Variants in OSCP1 observed in about 807,000 individuals in gnomAD.
OSCP1 encodes protein OSCP1.
Under a neutral mutation model 45.1 loss-of-function variants are expected in OSCP1, and 35 were observed. The ratio of observed to expected loss-of-function variants is 0.78; its 90% CI spans 0.59 to 1.03. The LOEUF (loss-of-function observed/expected upper bound fraction) is 1.03, where lower values mean the gene tolerates loss of function less well. Among genes scored for constraint, OSCP1 ranks in the 50% least tolerant of loss-of-function variants. OSCP1 has a pLI of 0.00. For missense variants in OSCP1, 400 were observed against 470.7 expected, an observed-to-expected ratio of 0.85 and a Z score of 1.39; for synonymous variants, 179 against 180.1, an observed-to-expected ratio of 0.99 and a Z score of 0.05.
At position 36,429,535 on chromosome 1, in the gene OSCP1, A is replaced by ATTTTTTTTTTTTTTTTTT. The variant is rs200043573; in HGVS notation, c.516+2249_516+2266dup. Reference sequence around the variant, plus strand: ...CACATTCAAAATTCAGAAGCTTAGAATTTTTTTTTTTTTTTTTTTTTTTTT... The same window carrying ATTTTTTTTTTTTTTTTTT: ...CACATTCAAAATTCAGAAGCTTAGAATTTTTTTTTTTTTTTTTTTTTTTTTTTTTTTTTTTTTTTTTTT... On this transcript the variant is annotated intron_variant, in intron 4 of 9. Transcript: ENST00000235532. Among the ~76,000 whole-genome samples, 100 of 100,302 alleles carry ATTTTTTTTTTTTTTTTTT rather than the reference A, an allele frequency of 1.0e-3. 9 individuals carry two copies. Among genetic ancestry groups the ATTTTTTTTTTTTTTTTTT allele is most frequent in the African/African-American group, 3.0e-3 (71 of 23,892 alleles). The allele number at this position is 100,302 out of a possible 152,430, so 65.8% of individuals were successfully genotyped here. A position where few individuals can be genotyped will look rare whatever the true frequency, so the allele number is the denominator to read the frequency against.
At chr1:36,438,646 G>GT in intron 2 of OSCP1, 110 bp downstream of exon 2, 1 of 1,327,068 alleles carries the variant, frequency 7.5e-7, no homozygotes. Flanking sequence ...ACACATGCCT[G>GT]TTTCTTGCAA....
At chr1:36,449,611 C>A (rs758040301) in intron 1 of OSCP1, among the ~76,000 whole-genome samples, 4 of 151,710 alleles carry the variant, frequency 2.6e-5, no homozygotes, top group Admixed American at 6.6e-5. Flanking sequence ...CCGAGGGGGG[C>A]AGATCGTTTG....
chr1:36,445,498 G>C (rs997901324), intron 1 of OSCP1, among the ~76,000 whole-genome samples: 1 of 152,196 alleles, frequency 6.6e-6, no homozygotes, highest in African/African-American at 2.4e-5. Context: ...GCTCCCAAGA[G>C]AGCAGTCTGA....
chr1:36,439,259 G>A (rs1315414413), intron 1 of OSCP1, among the ~76,000 whole-genome samples: 1 of 152,008 alleles, frequency 6.6e-6, no homozygotes, highest in East Asian at 1.9e-4. Flanking sequence ...GGTGGCTCAC[G>A]CCTATAATCC....
chr1:36,448,670 C>T lies in OSCP1; in HGVS notation c.112+1588G>A, dbSNP rs929131957. On this transcript the variant is annotated intron_variant, in intron 1 of 9. Coordinates refer to ENST00000235532, the MANE Select transcript of OSCP1 (RefSeq NM_145047.5). The stretch of plus-strand genomic sequence containing the variant: ...TTCCTGAAGGAGATGATTCTTAAGC[C>T]GAATAATGCAGGATTGAAGGGGAAG... 7.2e-5 allele frequency among the ~76,000 whole-genome samples: 11 copies of T among 152,012 alleles called. 1 individual carries two copies. Among genetic ancestry groups the T allele is most frequent in the Admixed American group, 4.6e-4 (7 of 15,264 alleles).
intron 2 of OSCP1, among the ~76,000 whole-genome samples, chr1:36,438,231 C>A (rs923505322): frequency 6.7e-6 from 1 of 149,704 alleles, no homozygotes; most frequent in Non-Finnish European, 1.5e-5. Context: ...GCAGGAGAAT[C>A]GCTTGAACCC....
rs563836103 is a variant in OSCP1 at position 36,430,955 on chromosome 1, G to C, written c.516+847C>G. 3.9e-5 allele frequency among the ~76,000 whole-genome samples: 6 copies of C among 152,272 alleles called. No individual in the cohort carries two copies. In the South Asian group the frequency reaches 1.2e-3, roughly 32 times the overall value. ...CAGGCGTGAGCCACTGCGCTCCGCC[G>C]ACTCTATGGGTCTTAGAAGCAATTG... On this transcript the variant is annotated intron_variant, in intron 4 of 9. Transcript: ENST00000235532.
chr1:36,442,001 G>C (rs961885208), intron 1 of OSCP1, among the ~76,000 whole-genome samples: 10 of 152,188 alleles, frequency 6.6e-5, no homozygotes, highest in African/African-American at 2.4e-4. Context: ...GCCGAGGTGG[G>C]TGGATCACCT....
rs1220453429 is a variant in OSCP1, at chr1:36,422,914, A to G, written c.621-18T>C. On this transcript the variant is annotated intron_variant, in intron 5 of 9. Transcript: ENST00000235532. ...TGAACATTCTACAATACAAAGTATG[A>G]CATGATGGAATGTTCTCCAAGCTTA... The G allele has an allele frequency of 1.3e-6, 2 of 1,566,942 alleles. No individual in the cohort carries two copies. The highest frequency in any genetic ancestry group is 2.4e-5 in the South Asian group (2 of 82,106).
intron 4 of OSCP1, among the ~76,000 whole-genome samples, chr1:36,428,715 C>T (rs994120729): frequency 2.0e-5 from 3 of 152,046 alleles, no homozygotes; most frequent in Non-Finnish European, 2.9e-5. Context: ...GAGGCTGAGG[C>T]GGGCGGATCG....
rs1570561632 is a variant in OSCP1, at chr1:36,450,108, G to A, written c.112+150C>T. On this transcript the variant is annotated intron_variant, in intron 1 of 9. Coordinates refer to ENST00000235532, the MANE Select transcript of OSCP1 (RefSeq NM_145047.5). Reference sequence around the variant, plus strand: ...TTTTGGGGGGATTTGACTCCCGAGGGGCTCCAAATGGATGTGGCTTGTAAG... The same window carrying A: ...TTTTGGGGGGATTTGACTCCCGAGGAGCTCCAAATGGATGTGGCTTGTAAG... 12 of 630,522 alleles carry A rather than the reference G, an allele frequency of 1.9e-5. No individual in the cohort carries two copies. In the East Asian group the frequency reaches 2.8e-4, roughly 15 times the overall value. 39.1% of individuals were successfully genotyped at this position (630,522 alleles called of 1,614,324 possible).
intron 2 of OSCP1, among the ~76,000 whole-genome samples, chr1:36,436,549 T>A (rs983111044): frequency 6.6e-6 from 1 of 152,168 alleles, no homozygotes; most frequent in African/African-American, 2.4e-5. Flanking sequence ...TCTTTTAAAA[T>A]TTTTTTGTAG....
chr1:36,436,485 C>T lies in OSCP1; in HGVS notation c.267+2271G>A, dbSNP rs1245579328. 5.9e-5 allele frequency among the ~76,000 whole-genome samples: 9 copies of T among 152,138 alleles called. No individual in the cohort carries two copies. In the East Asian group the frequency reaches 1.2e-3, roughly 20 times the overall value. ...TGAACTCCTGGGCTCAAGCGATCCT[C>T]CTGCCTTGGCCTCCCTAAGTGCTGG... On this transcript the variant is annotated intron_variant, in intron 2 of 9. Coordinates refer to ENST00000235532, the MANE Select transcript of OSCP1 (RefSeq NM_145047.5).
At chr1:36,425,285 G>A (rs1286619952) in intron 4 of OSCP1, among the ~76,000 whole-genome samples, 2 of 152,112 alleles carry the variant, frequency 1.3e-5, no homozygotes, top group Non-Finnish European at 2.9e-5. Context: ...GTTAGACTCT[G>A]AAGGCTTAAA....
At position 36,418,003 on chromosome 1, in the gene OSCP1, C is replaced by T. The variant is rs1195922731; in HGVS notation, c.*136G>A. The T allele has an allele frequency of 1.5e-6, 1 of 650,922 alleles. No homozygotes were observed. The highest frequency in any genetic ancestry group is 2.8e-5 in the East Asian group (1 of 35,970). The allele number at this position is 650,922 out of a possible 1,614,324, so 40.3% of individuals were successfully genotyped here. ...CAAGGGAGACTCACACAGTTCCTTA[C>T]AACATAAATAAGAAATAGACGTAAT... On this transcript the variant is annotated 3_prime_UTR_variant, in exon 10 of 10. Coordinates refer to ENST00000235532, the MANE Select transcript of OSCP1 (RefSeq NM_145047.5).
intron 1 of OSCP1, among the ~76,000 whole-genome samples, chr1:36,443,693 A>AC (rs1649335722): frequency 6.6e-6 from 1 of 152,192 alleles, no homozygotes; most frequent in Admixed American, 6.5e-5. Context: ...AGGATGACAT[A>AC]CCCCAAAGTA....
At position 36,444,125 on chromosome 1, in the gene OSCP1, A is replaced by C. The variant is rs544090572; in HGVS notation, c.113-5215T>G. 39 of 1,432,822 alleles carry C rather than the reference A, an allele frequency of 2.7e-5. 1 individual carries two copies. In the African/African-American group the frequency reaches 4.9e-4, roughly 18 times the overall value. 88.8% of individuals were successfully genotyped at this position (1,432,822 alleles called of 1,614,324 possible). ...TAAACATACCAATTCCAATGATCTT[A>C]TCTATGAAACTTTACTTTTCACGTT... On this transcript the variant is annotated intron_variant, in intron 1 of 9. Coordinates refer to ENST00000235532, the MANE Select transcript of OSCP1 (RefSeq NM_145047.5).
At chr1:36,427,653 G>T (rs1478413294) in intron 4 of OSCP1, among the ~76,000 whole-genome samples, 1 of 152,078 alleles carries the variant, frequency 6.6e-6, no homozygotes, top group Non-Finnish European at 1.5e-5. Context: ...TATCTTGTCG[G>T]AACTGGGAAA....
At chr1:36,441,830 A>C (rs1649198833) in intron 1 of OSCP1, among the ~76,000 whole-genome samples, 1 of 151,656 alleles carries the variant, frequency 6.6e-6, no homozygotes, top group African/African-American at 2.4e-5. Flanking sequence ...AATAGTTTTA[A>C]TCAGACCCGC....
Sources: allele counts gnomAD v4.1 joint callset (sites outside exome capture counted in the v4.1 genomes callset), GRCh38; gene constraint gnomAD v4.1.1; transcripts MANE v1.5; gene names NCBI Gene and HGNC (gene_info 2026-07-23, HGNC 2026-07-21).